The following DOCK3 variants were observed in gnomAD, a reference collection of about 807,000 sequenced individuals.
DOCK3 encodes the protein dedicator of cytokinesis 3.
Under a neutral mutation model 265.6 loss-of-function variants are expected in DOCK3, and 60 were observed. The observed-to-expected ratio is 0.23, with a 90% CI of 0.18 to 0.28. The LOEUF (loss-of-function observed/expected upper bound fraction) is 0.28. Ranked by LOEUF, DOCK3 falls within the 10% of genes least tolerant of loss-of-function variation. The pLI is 1.00. For synonymous variants in DOCK3, 881 were observed against 938.0 expected, an observed-to-expected ratio of 0.94 and a Z score of 1.11; for missense variants, 1,981 against 2,594.3, an observed-to-expected ratio of 0.76 and a Z score of 5.14.
At chr3:50,978,713 C>A (rs1038005429) in intron 5 of DOCK3, among the ~76,000 whole-genome samples, 28 of 152,344 alleles carry the variant, frequency 1.8e-4, no homozygotes, top group African/African-American at 6.7e-4. Flanking sequence ...CCTAAGCAAG[C>A]CTGGGCAATG....
intron 5 of DOCK3, among the ~76,000 whole-genome samples, chr3:50,967,796 A>C (rs1190046209): frequency 2.0e-5 from 3 of 152,172 alleles, no homozygotes; most frequent in Non-Finnish European, 4.4e-5. Flanking sequence ...CCCATGATTC[A>C]GTTATCTCCT....
At chr3:51,120,957 C>A (rs942465286) in intron 9 of DOCK3, among the ~76,000 whole-genome samples, 1 of 152,202 alleles carries the variant, frequency 6.6e-6, no homozygotes, top group African/African-American at 2.4e-5. Context: ...CTTCAGCTTC[C>A]TTTCCAGGGG....
rs749386077 is a variant in DOCK3, at chr3:51,360,565, C to T, written c.4939C>T (p.Arg1647Trp). 18 of 1,613,320 alleles carry T rather than the reference C, an allele frequency of 1.1e-5. No individual in the cohort carries two copies. The highest frequency in any genetic ancestry group is 1.3e-5 in the Non-Finnish European group (15 of 1,179,614). The change falls in exon 47 of 53, where the codon CGG (arginine) becomes TGG (tryptophan). Residue 1647 changes from arginine (R) to tryptophan (W), a missense_variant. Physicochemically the swap from Arg to Trp is moderately radical, Grantham distance 101 (BLOSUM62 -3). Around this residue, in one of 4 missense-constraint regions of DOCK3, gnomAD observed 1,357 missense variants for 1,866.8 expected, o/e 0.73. Transcript: ENST00000266037. Reference protein sequence around the residue: ...SPACSGTSTPRGNVLASHSPM... With the variant: ...SPACSGTSTPWGNVLASHSPM... The stretch of plus-strand genomic sequence containing the variant: ...TGCATGTTCAGGCACCAGCACCCCA[C>T]GGGGAAATGTTCTGGCATCCCATAG...
chr3:51,217,425 G>A (rs2089848517), intron 14 of DOCK3, among the ~76,000 whole-genome samples: 2 of 152,156 alleles, frequency 1.3e-5, no homozygotes, highest in South Asian at 4.1e-4. Flanking sequence ...ATGAGCAAGA[G>A]GCAACAGTGA....
chr3:50,981,244 A>G (rs1467048444), intron 5 of DOCK3, among the ~76,000 whole-genome samples: 2 of 152,222 alleles, frequency 1.3e-5, no homozygotes, highest in Non-Finnish European at 2.9e-5. Context: ...ATGTATTTGT[A>G]CAATTTAAAA....
intron 9 of DOCK3, among the ~76,000 whole-genome samples, chr3:51,097,767 C>T (rs959950940): frequency 6.6e-6 from 1 of 152,244 alleles, no homozygotes; most frequent in Non-Finnish European, 1.5e-5. Context: ...ATCTCCTGGT[C>T]TATGAGTTGC....
At chr3:50,767,968 A>G (rs555980946) in intron 1 of DOCK3, among the ~76,000 whole-genome samples, 168 of 152,268 alleles carry the variant, frequency 1.1e-3, no homozygotes, top group Admixed American at 4.3e-3. Context: ...TTGAGTTTAT[A>G]TCCTGAGACT....
rs148572108 is a variant in DOCK3 at position 50,934,168 on chromosome 3, C to A, written c.315+91C>A. The A allele has an allele frequency of 3.3e-3, 3,025 of 908,122 alleles. 7 individuals are homozygous for A. Among genetic ancestry groups the A allele is most frequent in the Middle Eastern group, 6.8e-3 (29 of 4,294 alleles). The allele number at this position is 908,122 out of a possible 1,614,324, so 56.3% of individuals were successfully genotyped here. ...TATGCTAAGTATGCATTTTAGATTT[C>A]TGAATATTTGCAGTTTATCAAACAT... On this transcript the variant is annotated intron_variant, in intron 5 of 52. Transcript: ENST00000266037.
intron 9 of DOCK3, among the ~76,000 whole-genome samples, chr3:51,120,418 G>A (rs752532063): frequency 6.6e-5 from 10 of 152,196 alleles, no homozygotes; most frequent in Non-Finnish European, 1.2e-4. Flanking sequence ...ACTGGGAGTT[G>A]TCTCCCTGTC....
intron 1 of DOCK3, among the ~76,000 whole-genome samples, chr3:50,775,949 G>A (rs768239020): frequency 1.3e-5 from 2 of 152,094 alleles, no homozygotes; most frequent in Non-Finnish European, 2.9e-5. Context: ...GTATTCCATG[G>A]TGTATATTTA....
At chr3:51,217,268 TA>T (rs34517224) in intron 14 of DOCK3, among the ~76,000 whole-genome samples, 1 of 152,166 alleles carries the variant, frequency 6.6e-6, no homozygotes, top group Non-Finnish European at 1.5e-5. Context: ...ATATGATTTC[TA>T]AAAAGATCTT....
In DOCK3 at chr3:50,789,902, T is replaced by G. The variant is rs568192747; in HGVS notation, c.121+11144T>G. On this transcript the variant is annotated intron_variant, in intron 2 of 52. Transcript: ENST00000266037. ...TCATGCACTAGCATGCCTGGCTAAT[T>G]TTTGTATTTTTAGTAGAGATGGGGT... is the stretch of plus-strand genomic sequence containing the variant. Among the ~76,000 whole-genome samples the G allele has an allele frequency of 1.1e-4, 16 of 152,202 alleles. No homozygotes were observed. The East Asian group carries it at 3.1e-3, about 29-fold the overall frequency.
intron 23 of DOCK3, among the ~76,000 whole-genome samples, chr3:51,267,404 G>A (rs2108837093): frequency 7.1e-6 from 1 of 140,390 alleles, no homozygotes; most frequent in South Asian, 2.2e-4. Context: ...TTTTTTTTGA[G>A]ATGGAGTTTC....
At chr3:50,918,610 T>C (rs1042447251) in intron 4 of DOCK3, among the ~76,000 whole-genome samples, 9 of 151,466 alleles carry the variant, frequency 5.9e-5, no homozygotes, top group Non-Finnish European at 1.2e-4. Flanking sequence ...TGGGGTTGTT[T>C]GATTTTTTCT....
At chr3:51,081,916 C>T (rs933684195) in intron 7 of DOCK3, among the ~76,000 whole-genome samples, 7 of 131,022 alleles carry the variant, frequency 5.3e-5, no homozygotes, top group Non-Finnish European at 1.2e-4. Context: ...AAAAAAAATT[C>T]GAAACTGGAG....
intron 32 of DOCK3, among the ~76,000 whole-genome samples, chr3:51,321,037 A>G (rs1050806814): frequency 6.6e-6 from 1 of 152,194 alleles, no homozygotes; most frequent in African/African-American, 2.4e-5. Flanking sequence ...ACTGGGAGAC[A>G]TCTCTCAGTA....
intron 4 of DOCK3, among the ~76,000 whole-genome samples, chr3:50,915,691 C>T (rs898698425): frequency 2.0e-5 from 3 of 152,012 alleles, no homozygotes; most frequent in African/African-American, 7.3e-5. Context: ...GTATCATTTT[C>T]CTGGAATGCA....
chr3:50,753,418 C>T (rs2039961262), intron 1 of DOCK3, among the ~76,000 whole-genome samples: 1 of 152,194 alleles, frequency 6.6e-6, no homozygotes, highest in African/African-American at 2.4e-5. Flanking sequence ...TCACAGCTCA[C>T]TACAGCCTTA....
chr3:50,773,066 G>A (rs2041373450), intron 1 of DOCK3, among the ~76,000 whole-genome samples: 1 of 152,146 alleles, frequency 6.6e-6, no homozygotes, highest in Admixed American at 6.5e-5. Flanking sequence ...ATCCCAAACA[G>A]TGTGGTACTA....
Sources: gnomAD v4.1 joint callset for allele counts (sites outside exome capture counted in the v4.1 genomes callset) on GRCh38, gnomAD v4.1.1 for gene constraint, gnomAD v4.1.1 regional missense constraint, MANE v1.5 for transcripts, NCBI Gene and HGNC (gene_info 2026-07-23, HGNC 2026-07-21) for gene names.